PTPRR: variants seen among roughly 807,000 people sequenced by gnomAD.
PTPRR encodes the protein protein tyrosine phosphatase receptor type R.
A neutral mutation model predicts 77.2 loss-of-function variants in PTPRR; 38 were observed. The observed-to-expected ratio is 0.49, with a 90% CI of 0.38 to 0.65. The LOEUF (loss-of-function observed/expected upper bound fraction) is 0.65, where lower values mean the gene tolerates loss of function less well. Among genes scored for constraint, PTPRR ranks in the 30% least tolerant of loss-of-function variants. The pLI is 0.00. For synonymous variants in PTPRR, 299 were observed against 283.1 expected (o/e 1.06, Z -0.57); for missense variants, 744 against 799.2 (o/e 0.93, Z 0.83).
At chr12:70,879,170 G>A (rs927176275) in intron 2 of PTPRR, among the ~76,000 whole-genome samples, 20 of 152,056 alleles carry the variant, frequency 1.3e-4, no homozygotes, top group Admixed American at 5.9e-4. Context: ...GTTAATGTGT[G>A]CAGCACACCA....
At chr12:70,739,780 G>T (rs752793054) in intron 6 of PTPRR, among the ~76,000 whole-genome samples, 5 of 152,166 alleles carry the variant, frequency 3.3e-5, no homozygotes, top group Non-Finnish European at 7.3e-5. Context: ...GTGGTAGGGG[G>T]TAAGTTTTGT....
At chr12:70,856,945 CAG>C (rs913288787) in intron 2 of PTPRR, among the ~76,000 whole-genome samples, 1 of 151,846 alleles carries the variant, frequency 6.6e-6, no homozygotes, top group Non-Finnish European at 1.5e-5. Flanking sequence ...CAGGAAATAA[CAG>C]AAGAGAAGAT....
chr12:70,781,901 T>C (rs1009851783), intron 2 of PTPRR, among the ~76,000 whole-genome samples: 24 of 152,172 alleles, frequency 1.6e-4, no homozygotes, highest in African/African-American at 5.8e-4. Context: ...ACACATGAAA[T>C]AACAATACTA....
intron 8 of PTPRR, among the ~76,000 whole-genome samples, chr12:70,693,795 A>C (rs553120019): frequency 6.6e-6 from 1 of 152,068 alleles, no homozygotes; most frequent in Non-Finnish European, 1.5e-5. Context: ...GGGGCTCTTG[A>C]GTACTTTGCT....
chr12:70,697,244 A>G (rs897383341), intron 8 of PTPRR, among the ~76,000 whole-genome samples: 5 of 152,140 alleles, frequency 3.3e-5, no homozygotes, highest in Non-Finnish European at 7.4e-5. Flanking sequence ...TTTATTGTCT[A>G]TTTTTAAAAT....
intron 2 of PTPRR, among the ~76,000 whole-genome samples, chr12:70,801,327 G>C (rs925214908): frequency 6.6e-6 from 1 of 152,096 alleles, no homozygotes; most frequent in Non-Finnish European, 1.5e-5. Context: ...CATTATTCTG[G>C]GTGTGACTGT....
intron 1 of PTPRR, among the ~76,000 whole-genome samples, chr12:70,907,586 T>A (rs1026818968): frequency 6.6e-6 from 1 of 152,208 alleles, no homozygotes; most frequent in Non-Finnish European, 1.5e-5. Context: ...CCAGCTTTAA[T>A]AGAGTTATTT....
At chr12:70,804,864 GC>G (rs1348746909) in intron 2 of PTPRR, among the ~76,000 whole-genome samples, 2 of 152,088 alleles carry the variant, frequency 1.3e-5, no homozygotes, top group South Asian at 4.1e-4. Context: ...GATGATCATT[GC>G]TACAAAAAGA....
chr12:70,829,478 A>G (rs998206432), intron 2 of PTPRR, among the ~76,000 whole-genome samples: 11 of 152,238 alleles, frequency 7.2e-5, no homozygotes, highest in African/African-American at 2.4e-4. Flanking sequence ...GAATAAATAC[A>G]TTTATTTATG....
chr12:70,844,529 C>T (rs144579445), intron 2 of PTPRR, among the ~76,000 whole-genome samples: 62 of 151,830 alleles, frequency 4.1e-4, no homozygotes, highest in African/African-American at 9.2e-4. Context: ...TCATACAAGC[C>T]GAGTAGAATA....
chr12:70,680,573 C>T (rs1887617507), intron 10 of PTPRR, among the ~76,000 whole-genome samples: 1 of 152,178 alleles, frequency 6.6e-6, no homozygotes, highest in African/African-American at 2.4e-5. Context: ...CCCCTGGAAA[C>T]AGCACACTTG....
chr12:70,842,180 C>A (rs1483736694), intron 2 of PTPRR, among the ~76,000 whole-genome samples: 2 of 152,086 alleles, frequency 1.3e-5, no homozygotes, highest in Non-Finnish European at 2.9e-5. Context: ...CTATATTTTA[C>A]CTTTTCCCTA....
At chr12:70,804,741 A>G (rs1489402355) in intron 2 of PTPRR, among the ~76,000 whole-genome samples, 1 of 152,132 alleles carries the variant, frequency 6.6e-6, no homozygotes, top group African/African-American at 2.4e-5. Flanking sequence ...CTTCCACCAC[A>G]CTACCCACTG....
intron 6 of PTPRR, among the ~76,000 whole-genome samples, chr12:70,726,413 C>T (rs576563174): frequency 6.6e-5 from 10 of 152,122 alleles, no homozygotes; most frequent in African/African-American, 2.4e-4. Flanking sequence ...GTGACATAAC[C>T]TCCTGCAGCC....
chr12:70,671,546 A>G (rs1887224426), intron 10 of PTPRR, among the ~76,000 whole-genome samples: 1 of 152,200 alleles, frequency 6.6e-6, no homozygotes, highest in Non-Finnish European at 1.5e-5. Context: ...GAAAAAAATT[A>G]AAACTTCAAC....
At chr12:70,684,085 A>G (rs1464536387) in intron 10 of PTPRR, 42 bp downstream of exon 10, 21 of 1,597,456 alleles carry the variant, frequency 1.3e-5, no homozygotes, top group Non-Finnish European at 1.7e-5. Flanking sequence ...TTCTATAGCA[A>G]CAGAACACAT....
At chr12:70,727,662 T>G (rs767992450) in intron 6 of PTPRR, among the ~76,000 whole-genome samples, 1 of 152,158 alleles carries the variant, frequency 6.6e-6, no homozygotes, top group Non-Finnish European at 1.5e-5. Context: ...AGGGGAATGA[T>G]AGGTGGCAGA....
chr12:70,801,921 T>A (rs1891623292), intron 2 of PTPRR, among the ~76,000 whole-genome samples: 1 of 152,168 alleles, frequency 6.6e-6, no homozygotes, highest in Non-Finnish European at 1.5e-5. Context: ...ACATCCTCCT[T>A]ACAGAAGGTT....
chr12:70,725,030 C>T (rs771766813), intron 6 of PTPRR, among the ~76,000 whole-genome samples: 3 of 152,082 alleles, frequency 2.0e-5, no homozygotes, highest in Non-Finnish European at 4.4e-5. Flanking sequence ...TGTACTGCCT[C>T]ATGGCCTATT....
Sources: allele counts gnomAD v4.1 joint callset (sites outside exome capture counted in the v4.1 genomes callset), GRCh38; gene constraint gnomAD v4.1.1; transcripts MANE v1.5; gene names NCBI Gene and HGNC (gene_info 2026-07-23, HGNC 2026-07-21).